Variants in LRRK1 observed in about 807,000 individuals in gnomAD.
LRRK1 encodes leucine-rich repeat serine/threonine-protein kinase 1.
In LRRK1, 113 loss-of-function variants were observed where a neutral mutation model predicts 209.1. The ratio of observed to expected loss-of-function variants is 0.54; its 90% CI spans 0.46 to 0.63. The LOEUF (loss-of-function observed/expected upper bound fraction) is 0.63, where lower values mean the gene tolerates loss of function less well. Among genes scored for constraint, LRRK1 ranks in the 30% least tolerant of loss-of-function variants. The pLI is 0.00. For missense variants in LRRK1, 2,284 were observed against 2,632.2 expected (o/e 0.87, Z 2.89); for synonymous variants, 1,144 against 1,099.7 (o/e 1.04, Z -0.80).
chr15:100,922,049 T>G (rs1567179885), intron 1 of LRRK1, among the ~76,000 whole-genome samples: 1 of 152,368 alleles, frequency 6.6e-6, no homozygotes, highest in East Asian at 1.9e-4. Context: ...TTAGGTTTAT[T>G]CATTAATGCA....
At chr15:101,033,153 C>G (rs746983927) in intron 20 of LRRK1, among the ~76,000 whole-genome samples, 14 of 152,104 alleles carry the variant, frequency 9.2e-5, no homozygotes, top group Non-Finnish European at 1.5e-4. Context: ...TTTATCAATA[C>G]ATAATATTTT....
At chr15:101,057,624 G>A (rs2035887322) in intron 28 of LRRK1, among the ~76,000 whole-genome samples, 1 of 152,206 alleles carries the variant, frequency 6.6e-6, no homozygotes, top group South Asian at 2.1e-4. Flanking sequence ...TGAGGCAGGA[G>A]GATCACTTGA....
At position 100,970,009 on chromosome 15, in the gene LRRK1, C is replaced by T. The variant is rs58291693; in HGVS notation, c.98-3795C>T. Among the ~76,000 whole-genome samples the T allele has an allele frequency of 9.6e-3, 1,460 of 152,192 alleles. 27 individuals are homozygous for T. Among genetic ancestry groups the T allele is most frequent in the African/African-American group, 0.033 (1,389 of 41,496 alleles). On this transcript the variant is annotated intron_variant, in intron 2 of 33. Transcript: ENST00000388948. ...GTTCAAGCGATTCTCCTGCCTCAGC[C>T]TTCATAATAGCTGAGATTACAGGTG...
In LRRK1 at chr15:101,066,723, G is replaced by A. The variant is rs777863487; in HGVS notation, c.5852G>A (p.Arg1951Gln). 1.5e-5 allele frequency: 25 copies of A among 1,613,992 alleles called. No individual in the cohort carries two copies. Among genetic ancestry groups the A allele is most frequent in the Admixed American group, 1.2e-4 (7 of 60,008 alleles). ...RGRVIAVLKA[R>Q]ELTPHGVLVD... Reference sequence around the variant, plus strand: ...CGAGTCATTGCCGTCTTAAAAGCCCGAGAGCTGACTCCGCATGGGTAAGAC... The same window carrying A: ...CGAGTCATTGCCGTCTTAAAAGCCCAAGAGCTGACTCCGCATGGGTAAGAC... The change falls in exon 33 of 34, where the codon CGA becomes CAA. Residue 1951 changes from arginine (R) to glutamine (Q), a missense_variant. Transcript: ENST00000388948.
chr15:101,042,378 G>C (rs1167688352), intron 20 of LRRK1, among the ~76,000 whole-genome samples: 2 of 152,094 alleles, frequency 1.3e-5, no homozygotes, highest in African/African-American at 4.8e-5. Flanking sequence ...GTCCTCCTCA[G>C]TCTTCGTCAC....
chr15:101,011,724 A>C (rs2033258367), intron 9 of LRRK1, among the ~76,000 whole-genome samples: 2 of 151,666 alleles, frequency 1.3e-5, no homozygotes, highest in African/African-American at 2.4e-5. Context: ...TGTGGTCCTG[A>C]ATTGTTCCAT....
intron 6 of LRRK1, among the ~76,000 whole-genome samples, chr15:101,002,783 G>C (rs1320561698): frequency 6.6e-6 from 1 of 152,154 alleles, no homozygotes; most frequent in Non-Finnish European, 1.5e-5. Context: ...ACCCAGGTTG[G>C]AGTGCAGGGG....
intron 6 of LRRK1, among the ~76,000 whole-genome samples, chr15:101,004,139 T>C (rs920546221): frequency 6.6e-6 from 1 of 152,160 alleles, no homozygotes; most frequent in African/African-American, 2.4e-5. Flanking sequence ...CTAATTTCTT[T>C]TACCCAGAAT....
At chr15:101,049,822 A>G in intron 23 of LRRK1, 39 bp downstream of exon 23, 6 of 1,590,540 alleles carry the variant, frequency 3.8e-6, no homozygotes, top group Non-Finnish European at 5.1e-6. Context: ...CATTCATGCT[A>G]ATATTTCTTA....
chr15:101,022,198 T>C lies in LRRK1; in HGVS notation c.1853-185T>C, dbSNP rs2033826151. On this transcript the variant is annotated intron_variant, in intron 14 of 33. Transcript: ENST00000388948. This position sits in a 1 kb window ranked among gnomAD's most constrained non-coding sequence, Gnocchi z 4.0. ...CAGCAAGGATTTTGTCCATAGGTTC[T>C]TGCCTCTTAGAGTTCGCTTTTAGGG... 6 of 658,412 alleles carry C rather than the reference T, an allele frequency of 9.1e-6. No individual in the cohort carries two copies. Among genetic ancestry groups the C allele is most frequent in the Non-Finnish European group, 1.6e-5 (6 of 386,118 alleles). 40.8% of individuals were successfully genotyped at this position (658,412 alleles called of 1,614,324 possible).
At position 101,024,823 on chromosome 15, in the gene LRRK1, C is replaced by T. The variant is rs76435780; in HGVS notation, c.2088C>T (p.Asn696=). 1,018 of 1,613,982 alleles carry T rather than the reference C, an allele frequency of 6.3e-4. 7 individuals carry two copies. The African/African-American group carries it at 0.012, about 20-fold the overall frequency. Residue 696 remains asparagine, a synonymous_variant, in exon 16 of 34, where the codon AAC becomes AAT. Transcript: ENST00000388948. This position sits in a 1 kb window ranked among gnomAD's most constrained non-coding sequence, Gnocchi z 4.6. ...SRAKVESVEF[N]VWDIGGPASM... ...AGTAGGTTGAGTCCGTGGAGTTCAA[C>T]GTCTGGGACATCGGGGGACCGGCCA...
chr15:100,954,929 A>G (rs972234446), intron 2 of LRRK1, among the ~76,000 whole-genome samples: 1 of 152,210 alleles, frequency 6.6e-6, no homozygotes, highest in African/African-American at 2.4e-5. Context: ...ACAGTTTTAA[A>G]TCAGGAAGTG....
intron 2 of LRRK1, among the ~76,000 whole-genome samples, chr15:100,962,839 T>TTTTTTTTTTTTTTTTTTG (rs2030164160): frequency 4.5e-5 from 1 of 22,384 alleles, no homozygotes; most frequent in Admixed American, 3.8e-4. Flanking sequence ...TTTTTTTTTT[T>TTTTTTTTTTTTTTTTTTG]TGAGATGGAG....
At chr15:100,940,787 G>T (rs1166996631) in intron 2 of LRRK1, among the ~76,000 whole-genome samples, 3 of 152,248 alleles carry the variant, frequency 2.0e-5, no homozygotes, top group African/African-American at 7.2e-5. Flanking sequence ...TTTCCTCCAA[G>T]ATAAGGATGA....
rs1325929474 is a variant in LRRK1, at chr15:101,027,204, A to G, written c.2406-57A>G. ...AAACCTCTCAGGGAAACAGAGAAGC[A>G]GCAGCGCTTCCTCGGAGTGGGGCAT... On this transcript the variant is annotated intron_variant, in intron 17 of 33. Coordinates refer to ENST00000388948, the MANE Select transcript of LRRK1 (RefSeq NM_024652.6). This position sits in a 1 kb window ranked among gnomAD's most constrained non-coding sequence, Gnocchi z 5.1. The G allele has an allele frequency of 1.3e-6, 2 of 1,599,390 alleles. No homozygotes were observed. The highest frequency in any genetic ancestry group is 1.7e-6 in the Non-Finnish European group (2 of 1,171,596).
At chr15:100,976,249 T>G (rs773779589) in intron 3 of LRRK1, among the ~76,000 whole-genome samples, 1 of 152,212 alleles carries the variant, frequency 6.6e-6, no homozygotes, top group Non-Finnish European at 1.5e-5. Flanking sequence ...TATAATCACT[T>G]GTCCAGAAAA....
intron 20 of LRRK1, among the ~76,000 whole-genome samples, chr15:101,029,616 C>G (rs779481716): frequency 2.0e-4 from 31 of 152,124 alleles, no homozygotes; most frequent in African/African-American, 6.0e-4. Context: ...ACCTTTAATC[C>G]CAACTCTTTG....
chr15:101,071,515 G>C lies in LRRK1; in HGVS notation c.*2667G>C, dbSNP rs113138631. On this transcript the variant is annotated 3_prime_UTR_variant, in exon 34 of 34. Coordinates refer to ENST00000388948, the MANE Select transcript of LRRK1 (RefSeq NM_024652.6). ...AGCAATTCTCCTGCCTCAGCCTCCCGAGTAGCTGCGATTACAGGCGTGCAC... is the reference window on the plus strand; with the variant it reads ...AGCAATTCTCCTGCCTCAGCCTCCCCAGTAGCTGCGATTACAGGCGTGCAC... 1 of 152,168 alleles carries C rather than the reference G, an allele frequency of 6.6e-6. No homozygotes were observed. The highest frequency in any genetic ancestry group is 2.4e-5 in the African/African-American group (1 of 41,416). The allele number at this position is 152,168 out of a possible 1,614,324, so 9.4% of individuals were successfully genotyped here. A position where few individuals can be genotyped will look rare whatever the true frequency, so the allele number is the denominator to read the frequency against.
chr15:100,929,472 A>G (rs898465109), intron 2 of LRRK1, among the ~76,000 whole-genome samples: 1 of 152,192 alleles, frequency 6.6e-6, no homozygotes, highest in Admixed American at 6.5e-5. Context: ...GCTTTTGCGA[A>G]TCTGTATTTG....
Sources: gnomAD v4.1 joint callset for allele counts (sites outside exome capture counted in the v4.1 genomes callset) on GRCh38, gnomAD v4.1.1 for gene constraint, Gnocchi (gnomAD v3.1) non-coding constraint, MANE v1.5 for transcripts, NCBI Gene and HGNC (gene_info 2026-07-23, HGNC 2026-07-21) for gene names.